The following PIGL variants were observed in gnomAD, a reference collection of about 807,000 sequenced individuals.
PIGL encodes the protein phosphatidylinositol glycan anchor biosynthesis class L.
Under a neutral mutation model 31.1 loss-of-function variants are expected in PIGL, and 22 were observed. That is an observed-to-expected ratio of 0.71 (90% CI 0.51 to 1.01). PIGL has a LOEUF of 1.01. PIGL is among the 50% of genes least tolerant of loss of function. PIGL has a pLI of 0.00. For missense variants in PIGL, 302 were observed against 315.9 expected (o/e 0.96, Z 0.33); for synonymous variants, 131 against 117.4 (o/e 1.12, Z -0.75).
At chr17:16,265,237 C>T (rs947607816) in intron 2 of PIGL, among the ~76,000 whole-genome samples, 5 of 152,102 alleles carry the variant, frequency 3.3e-5, no homozygotes, top group South Asian at 4.1e-4. Flanking sequence ...AGGTAACTAA[C>T]GGTGACCTTA....
At chr17:16,228,205 C>A (rs2092661505) in intron 1 of PIGL, among the ~76,000 whole-genome samples, 1 of 151,618 alleles carries the variant, frequency 6.6e-6, no homozygotes, top group Non-Finnish European at 1.5e-5. Context: ...GCACCCACCA[C>A]CACCATGCCC....
intron 2 of PIGL, among the ~76,000 whole-genome samples, chr17:16,242,756 A>G (rs886132990): frequency 7.1e-6 from 1 of 141,022 alleles, no homozygotes; most frequent in Admixed American, 8.2e-5. Context: ...AGCTGAGATT[A>G]CAGGCATACA....
chr17:16,266,877 G>C (rs574325607), intron 2 of PIGL, among the ~76,000 whole-genome samples: 171 of 139,822 alleles, frequency 1.2e-3, no homozygotes, highest in African/African-American at 4.2e-3. Context: ...GATTACAGGC[G>C]TGAGCCACCA....
chr17:16,262,778 A>G (rs1207947050), intron 2 of PIGL, among the ~76,000 whole-genome samples: 2 of 152,246 alleles, frequency 1.3e-5, no homozygotes, highest in African/African-American at 4.8e-5. Context: ...GTTCATAGCA[A>G]CACTATTCAC....
At chr17:16,275,890 G>C (rs2092892954) in intron 2 of PIGL, among the ~76,000 whole-genome samples, 1 of 152,094 alleles carries the variant, frequency 6.6e-6, no homozygotes, top group Non-Finnish European at 1.5e-5. Flanking sequence ...CAGGTGTGGT[G>C]GTGGGTGCCT....
Position 16,217,430 on chromosome 17 carries a change from G to T in PIGL, c.204G>T (p.Arg68Ser), listed in dbSNP as rs370434230. Residue 68 changes from arginine (R) to serine (S), a missense_variant, in exon 1 of 7, where the codon AGG becomes AGT. Arg to Ser is a moderately radical substitution (Grantham distance 110). Transcript: ENST00000225609. ...APTVLGLARL[R>S]HWVYLLCFSA... The stretch of plus-strand genomic sequence containing the variant: ...CAGTGCTAGGCTTGGCCCGCCTAAG[G>T]CACTGGGTGTACCTGCTTTGCTTCT... The T allele has an allele frequency of 1.2e-6, 2 of 1,614,222 alleles. No homozygotes were observed. Among genetic ancestry groups the T allele is most frequent in the Non-Finnish European group, 1.7e-6 (2 of 1,180,038 alleles).
At chr17:16,325,439 C>T (rs577845853) in intron 6 of PIGL, among the ~76,000 whole-genome samples, 1 of 151,330 alleles carries the variant, frequency 6.6e-6, no homozygotes, top group South Asian at 2.1e-4. Flanking sequence ...TTGAGACTGA[C>T]GAGTTTCCTC....
intron 2 of PIGL, among the ~76,000 whole-genome samples, chr17:16,277,972 T>C (rs1426283955): frequency 6.6e-6 from 1 of 152,212 alleles, no homozygotes; most frequent in African/African-American, 2.4e-5. Context: ...CCATTTCATA[T>C]TTGACAGTGC....
intron 6 of PIGL, among the ~76,000 whole-genome samples, chr17:16,320,882 AC>A (rs1435792994): frequency 3.4e-5 from 5 of 146,538 alleles, no homozygotes; most frequent in African/African-American, 1.3e-4. Context: ...TGATCTACCC[AC>A]CTCGGCCTCC....
intron 6 of PIGL, among the ~76,000 whole-genome samples, chr17:16,320,739 ATTC>A (rs1304179161): frequency 1.3e-5 from 2 of 151,498 alleles, no homozygotes; most frequent in East Asian, 3.9e-4. Flanking sequence ...GGTTCAAGCA[ATTC>A]TTCTGTCTCA....
chr17:16,266,684 G>A (rs537485205), intron 2 of PIGL, among the ~76,000 whole-genome samples: 36 of 151,878 alleles, frequency 2.4e-4, no homozygotes, highest in Admixed American at 4.6e-4. Flanking sequence ...CAAGCTCCGC[G>A]TCCCAGGTTC....
chr17:16,293,956 A>G (rs113254667), intron 2 of PIGL, among the ~76,000 whole-genome samples: 91 of 152,302 alleles, frequency 6.0e-4, no homozygotes, highest in African/African-American at 1.9e-3. Flanking sequence ...GCCTTGTCCA[A>G]TGAGAGATCT....
At chr17:16,270,896 A>T (rs1417770571) in intron 2 of PIGL, among the ~76,000 whole-genome samples, 4 of 152,140 alleles carry the variant, frequency 2.6e-5, no homozygotes, top group Non-Finnish European at 5.9e-5. Context: ...GTCTCAAAAA[A>T]AAAAAAAGAG....
intron 2 of PIGL, among the ~76,000 whole-genome samples, chr17:16,246,356 A>G (rs985317047): frequency 4.0e-5 from 6 of 151,408 alleles, no homozygotes; most frequent in African/African-American, 1.5e-4. Context: ...TACTAAAAAT[A>G]CAAAAATTAG....
At chr17:16,260,762 C>G (rs2092815937) in intron 2 of PIGL, among the ~76,000 whole-genome samples, 1 of 152,112 alleles carries the variant, frequency 6.6e-6, no homozygotes, top group Non-Finnish European at 1.5e-5. Flanking sequence ...CTCTAGTTGT[C>G]CGTGTACTTC....
rs745948237 is a variant in PIGL, at chr17:16,220,480, ATTTTTTTTTT to A, written c.235+3036_235+3045del. 1.0e-4 allele frequency among the ~76,000 whole-genome samples: 6 copies of A among 57,210 alleles called. No homozygotes were observed. In the South Asian group the frequency reaches 3.7e-3, roughly 36 times the overall value. The allele number at this position is 57,210 out of a possible 152,430, so 37.5% of individuals were successfully genotyped here. A position where few individuals can be genotyped will look rare whatever the true frequency, so the allele number is the denominator to read the frequency against. Reference sequence around the variant, plus strand: ...TTTATTTGTGTTTTTTTAAATTGTTATTTTTTTTTTTTTTTTTTTTTTTTTTGAGGCAGAG... The same window carrying A: ...TTTATTTGTGTTTTTTTAAATTGTTATTTTTTTTTTTTTTTTGAGGCAGAG... On this transcript the variant is annotated intron_variant, in intron 1 of 6. Transcript: ENST00000225609.
intron 1 of PIGL, among the ~76,000 whole-genome samples, chr17:16,219,200 G>C (rs937463999): frequency 6.6e-6 from 1 of 151,276 alleles, no homozygotes; most frequent in Non-Finnish European, 1.5e-5. Context: ...GCGCCCGCCC[G>C]CCACCATGCC....
At chr17:16,309,555 G>A (rs760951075) in intron 3 of PIGL, among the ~76,000 whole-genome samples, 32 of 148,350 alleles carry the variant, frequency 2.2e-4, no homozygotes, top group Non-Finnish European at 3.4e-4. Context: ...CAGGTCAGGA[G>A]TTGAAGACCA....
intron 2 of PIGL, among the ~76,000 whole-genome samples, chr17:16,270,713 A>G (rs545763196): frequency 4.9e-4 from 74 of 152,140 alleles, no homozygotes; most frequent in Non-Finnish European, 8.5e-4. Flanking sequence ...CCTGGCCGAC[A>G]TGGTGAAACC....
Sources: gnomAD v4.1 joint callset for allele counts (sites outside exome capture counted in the v4.1 genomes callset) on GRCh38, gnomAD v4.1.1 for gene constraint, MANE v1.5 for transcripts, NCBI Gene and HGNC (gene_info 2026-07-23, HGNC 2026-07-21) for gene names.